The following CADM2 variants were observed in gnomAD, a reference collection of about 807,000 sequenced individuals.
CADM2 encodes cell adhesion molecule 2.
CADM2 carries 12 observed loss-of-function variants against 49.8 expected under a neutral mutation model. The ratio of observed to expected loss-of-function variants is 0.24; its 90% CI spans 0.15 to 0.39. The LOEUF (loss-of-function observed/expected upper bound fraction) is 0.39. Among genes scored for constraint, CADM2 ranks in the 10% least tolerant of loss-of-function variants. CADM2 has a pLI of 1.00. For synonymous variants in CADM2, 214 were observed against 175.4 expected, an observed-to-expected ratio of 1.22 and a Z score of -1.74; for missense variants, 378 against 492.3, an observed-to-expected ratio of 0.77 and a Z score of 2.20.
chr3:86,015,016 G>T (rs73136105), intron 8 of CADM2: 3 of 949,614 alleles, frequency 3.2e-6, no homozygotes, highest in East Asian at 4.8e-5. Context: ...AACATAAATT[G>T]TGACATAAAA....
intron 1 of CADM2, among the ~76,000 whole-genome samples, chr3:85,419,861 G>GT (rs1215280153): frequency 2.6e-5 from 4 of 152,146 alleles, no homozygotes; most frequent in African/African-American, 7.2e-5. Flanking sequence ...CACCTGGAGA[G>GT]TTTTTTCAAA....
chr3:85,833,677 C>T (rs1323969453), intron 3 of CADM2, among the ~76,000 whole-genome samples: 1 of 151,536 alleles, frequency 6.6e-6, no homozygotes, highest in African/African-American at 2.4e-5. Flanking sequence ...TTGTCAACGA[C>T]TAGTTGATGA....
intron 7 of CADM2, among the ~76,000 whole-genome samples, chr3:85,942,982 C>T (rs1196187902): frequency 6.6e-6 from 1 of 152,134 alleles, no homozygotes; most frequent in Admixed American, 6.6e-5. Flanking sequence ...TTCTTCACAT[C>T]CTCTCCAGCA....
intron 8 of CADM2, among the ~76,000 whole-genome samples, chr3:86,005,777 T>C (rs917790099): frequency 6.6e-6 from 1 of 152,234 alleles, no homozygotes; most frequent in African/African-American, 2.4e-5. Context: ...TGTCAAATAG[T>C]AGGTCTTTGT....
chr3:85,350,631 G>A (rs1435569904), intron 1 of CADM2, among the ~76,000 whole-genome samples: 1 of 151,838 alleles, frequency 6.6e-6, no homozygotes, highest in East Asian at 1.9e-4. Context: ...ATAGAGTTTC[G>A]GCATGGAGCA....
At chr3:85,357,990 G>A (rs983221971) in intron 1 of CADM2, among the ~76,000 whole-genome samples, 1 of 152,064 alleles carries the variant, frequency 6.6e-6, no homozygotes, top group Non-Finnish European at 1.5e-5. Context: ...TAGATTGCAT[G>A]GCCAACCTTT....
intron 1 of CADM2, among the ~76,000 whole-genome samples, chr3:85,547,969 G>C (rs1255287100): frequency 6.6e-6 from 1 of 151,988 alleles, no homozygotes; most frequent in Non-Finnish European, 1.5e-5. Context: ...GTGGATAACT[G>C]CTACACAATA....
intron 1 of CADM2, among the ~76,000 whole-genome samples, chr3:85,324,428 A>G (rs2044695166): frequency 1.3e-5 from 2 of 152,114 alleles, no homozygotes; most frequent in African/African-American, 4.8e-5. Flanking sequence ...GTATACTCCT[A>G]TTGAATTTTA....
At chr3:85,191,247 A>G (rs1267310466) in intron 1 of CADM2, among the ~76,000 whole-genome samples, 2 of 151,930 alleles carry the variant, frequency 1.3e-5, no homozygotes, top group Non-Finnish European at 2.9e-5. Context: ...ATCCATTTTC[A>G]TTTATTCATA....
At chr3:85,520,781 T>C (rs2061011443) in intron 1 of CADM2, among the ~76,000 whole-genome samples, 1 of 151,998 alleles carries the variant, frequency 6.6e-6, no homozygotes, top group African/African-American at 2.4e-5. Flanking sequence ...TTGAACTAGG[T>C]ATTTTTGGAC....
chr3:85,939,859 A>AT (rs1721646845), intron 7 of CADM2, among the ~76,000 whole-genome samples: 1 of 149,744 alleles, frequency 6.7e-6, no homozygotes, highest in Non-Finnish European at 1.5e-5. Context: ...AGAAGAAAGA[A>AT]TTTAATCTTT....
At chr3:85,139,260 AAC>A (rs2039507742) in intron 1 of CADM2, among the ~76,000 whole-genome samples, 2 of 152,344 alleles carry the variant, frequency 1.3e-5, no homozygotes, top group South Asian at 4.1e-4. Context: ...CAGAAACACA[AAC>A]ACAAATCTGT....
intron 8 of CADM2, among the ~76,000 whole-genome samples, chr3:85,976,257 T>C (rs73843560): frequency 1.3e-5 from 2 of 151,396 alleles, no homozygotes; most frequent in Non-Finnish European, 3.0e-5. Flanking sequence ...GTGTAAGAGG[T>C]TTAAAAATGT....
intron 1 of CADM2, among the ~76,000 whole-genome samples, chr3:85,125,778 C>T (rs564541816): frequency 5.9e-5 from 9 of 152,172 alleles, no homozygotes; most frequent in African/African-American, 1.2e-4. Context: ...AATTATGGCA[C>T]GTGTAATCTT....
At chr3:85,688,809 C>G (rs1400147042) in intron 1 of CADM2, among the ~76,000 whole-genome samples, 1 of 152,072 alleles carries the variant, frequency 6.6e-6, no homozygotes, top group Admixed American at 6.6e-5. Context: ...CTCAAGCGAT[C>G]CTCCTGTCTC....
chr3:85,805,626 G>T (rs1190668025), intron 3 of CADM2: 1 of 152,018 alleles, frequency 6.6e-6, no homozygotes, highest in Non-Finnish European at 1.5e-5. Context: ...CATTTTAAAA[G>T]ATTCCATATT....
At chr3:85,713,793 A>G (rs1439636018) in intron 1 of CADM2, among the ~76,000 whole-genome samples, 1 of 152,258 alleles carries the variant, frequency 6.6e-6, no homozygotes, top group Non-Finnish European at 1.5e-5. Flanking sequence ...ATAAATAGGT[A>G]TCTACATGCT....
intron 1 of CADM2, among the ~76,000 whole-genome samples, chr3:85,375,379 G>A (rs1423162085): frequency 6.6e-6 from 1 of 152,176 alleles, no homozygotes; most frequent in Non-Finnish European, 1.5e-5. Context: ...GAATTGTAGA[G>A]GTGTTGATAA....
At chr3:84,966,565 TAAC>T (rs932271800) in intron 1 of CADM2, among the ~76,000 whole-genome samples, 5 of 152,058 alleles carry the variant, frequency 3.3e-5, no homozygotes, top group Admixed American at 3.3e-4. Context: ...ATTTATGAAA[TAAC>T]AATAGGGTTG....
Sources: allele counts gnomAD v4.1 joint callset (sites outside exome capture counted in the v4.1 genomes callset), GRCh38; gene constraint gnomAD v4.1.1; transcripts MANE v1.5; gene names NCBI Gene and HGNC (gene_info 2026-07-23, HGNC 2026-07-21).